The following RNLS variants were observed in gnomAD, a reference collection of about 807,000 sequenced individuals.
RNLS encodes the protein renalase.
RNLS carries 39 observed loss-of-function variants against 39.8 expected under a neutral mutation model. The observed-to-expected ratio is 0.98, with a 90% CI of 0.76 to 1.28. The LOEUF is 1.28. Among genes scored for constraint, RNLS ranks in the 50% most tolerant of loss-of-function variants. RNLS has a pLI of 0.00. For synonymous variants in RNLS, 147 were observed against 150.7 expected, an observed-to-expected ratio of 0.98 and a Z score of 0.18; for missense variants, 410 against 413.3, an observed-to-expected ratio of 0.99 and a Z score of 0.07.
chr10:88,442,271 T>A (rs1390642686), intron 4 of RNLS, among the ~76,000 whole-genome samples: 1 of 152,232 alleles, frequency 6.6e-6, no homozygotes, highest in Non-Finnish European at 1.5e-5. Context: ...TTCTCTTAAG[T>A]ATATTGTTTA....
At chr10:88,397,026 T>C (rs1422140223) in intron 4 of RNLS, among the ~76,000 whole-genome samples, 1 of 151,920 alleles carries the variant, frequency 6.6e-6, no homozygotes, top group East Asian at 1.9e-4. Flanking sequence ...TTTGAAGACA[T>C]CACTTTCCCA....
intron 4 of RNLS, among the ~76,000 whole-genome samples, chr10:88,470,587 A>T (rs1377645765): frequency 6.6e-6 from 1 of 151,754 alleles, no homozygotes; most frequent in Non-Finnish European, 1.5e-5. Context: ...TAAAAATGGT[A>T]ACATACTATA....
At chr10:88,442,293 A>G (rs1170548192) in intron 4 of RNLS, among the ~76,000 whole-genome samples, 3 of 152,222 alleles carry the variant, frequency 2.0e-5, no homozygotes, top group Non-Finnish European at 4.4e-5. Context: ...TTATTATACC[A>G]AAACTTCATT....
At chr10:88,233,515 CAAAAT>C in the RNLS span, among the ~76,000 whole-genome samples, 1 of 152,080 alleles carries the variant, frequency 6.6e-6, no homozygotes, top group African/African-American at 2.4e-5. Context: ...GTTTGCCTGA[CAAAAT>C]AAAAGATGAC....
the RNLS span, among the ~76,000 whole-genome samples, chr10:88,200,964 T>A: frequency 1.3e-5 from 2 of 150,608 alleles, no homozygotes; most frequent in East Asian, 2.0e-4. Flanking sequence ...TTTTCAAAGA[T>A]AAAAGTCAAT....
downstream of RNLS, among the ~76,000 whole-genome samples, chr10:88,272,662 A>C (rs1396790804): frequency 1.3e-5 from 2 of 152,216 alleles, no homozygotes; most frequent in African/African-American, 4.8e-5. Flanking sequence ...GGTTGAATAA[A>C]TAAATGAATG....
intron 5 of RNLS, among the ~76,000 whole-genome samples, chr10:88,350,598 A>G (rs1171132657): frequency 6.6e-6 from 1 of 152,162 alleles, no homozygotes; most frequent in African/African-American, 2.4e-5. Flanking sequence ...TCCATGGTGT[A>G]TATGTGCCAC....
intron 3 of RNLS, among the ~76,000 whole-genome samples, chr10:88,575,920 G>T (rs1475875786): frequency 1.3e-5 from 2 of 152,074 alleles, no homozygotes; most frequent in African/African-American, 4.8e-5. Flanking sequence ...CAGTCATAAT[G>T]ATCTTTTATT....
At chr10:88,536,547 C>G (rs954051048) in intron 4 of RNLS, among the ~76,000 whole-genome samples, 6 of 152,136 alleles carry the variant, frequency 3.9e-5, no homozygotes, top group African/African-American at 1.4e-4. Flanking sequence ...CCTTTATACT[C>G]TAGCTCCTAT....
the RNLS span, among the ~76,000 whole-genome samples, chr10:88,246,762 A>G: frequency 6.6e-6 from 1 of 152,158 alleles, no homozygotes; most frequent in African/African-American, 2.4e-5. Flanking sequence ...CAAGAAATCA[A>G]CGCATTGGAT....
At chr10:88,335,217 CT>C (rs201292062) in intron 5 of RNLS, among the ~76,000 whole-genome samples, 138 of 143,182 alleles carry the variant, frequency 9.6e-4, no homozygotes, top group East Asian at 1.4e-3. Context: ...TTTTCTTTTA[CT>C]TTTTTTTTTT....
intron 5 of RNLS, 77 bp from the exon 6 acceptor site, chr10:88,314,718 C>A: frequency 7.9e-7 from 1 of 1,260,026 alleles, no homozygotes; most frequent in Non-Finnish European, 1.1e-6. Flanking sequence ...TCAATTCAGA[C>A]TTAAGAACTG....
the RNLS span, among the ~76,000 whole-genome samples, chr10:88,196,011 G>C: frequency 6.6e-6 from 1 of 152,276 alleles, no homozygotes; most frequent in East Asian, 1.9e-4. Flanking sequence ...AGTTAGGATG[G>C]CGTCTGTGTT....
At chr10:88,376,081 C>T (rs1850969500) in intron 4 of RNLS, among the ~76,000 whole-genome samples, 1 of 152,098 alleles carries the variant, frequency 6.6e-6, no homozygotes, top group Non-Finnish European at 1.5e-5. Context: ...TGGTGTCCAC[C>T]TCCAATCTCC....
At chr10:88,233,120 TCAGCCCCA>T in the RNLS span, among the ~76,000 whole-genome samples, 1 of 152,260 alleles carries the variant, frequency 6.6e-6, no homozygotes, top group Non-Finnish European at 1.5e-5. Context: ...TCTTTATCAC[TCAGCCCCA>T]CCACACCGCC....
At chr10:88,553,641 T>C (rs551770609) in intron 4 of RNLS, among the ~76,000 whole-genome samples, 2 of 152,344 alleles carry the variant, frequency 1.3e-5, no homozygotes, top group East Asian at 3.9e-4. Context: ...AGATTTTATA[T>C]ATAATGCACT....
chr10:88,243,947 G>GTGGGAAGCCTGAATA, the RNLS span, among the ~76,000 whole-genome samples: 1 of 152,204 alleles, frequency 6.6e-6, no homozygotes, highest in South Asian at 2.1e-4. Context: ...AGCTGCGTTT[G>GTGGGAAGCCTGAATA]GCCTGGCCAG....
intron 4 of RNLS, among the ~76,000 whole-genome samples, chr10:88,364,183 C>A (rs1032872525): frequency 2.4e-4 from 36 of 152,004 alleles, no homozygotes; most frequent in Non-Finnish European, 1.6e-4. Context: ...TAGGAAGGCT[C>A]ATTCAGACAT....
chr10:88,321,725 C>A (rs1846196567), intron 5 of RNLS, among the ~76,000 whole-genome samples: 1 of 151,832 alleles, frequency 6.6e-6, no homozygotes, highest in South Asian at 2.1e-4. Context: ...TGGAAACACA[C>A]AACTTCACAA....
Sources: allele counts gnomAD v4.1 joint callset (sites outside exome capture counted in the v4.1 genomes callset), GRCh38; gene constraint gnomAD v4.1.1; transcripts MANE v1.5; gene names NCBI Gene and HGNC (gene_info 2026-07-23, HGNC 2026-07-21).